ZFHX3: variants seen among roughly 807,000 people sequenced by gnomAD.
The protein encoded by ZFHX3 is zinc finger homeobox protein 3.
A neutral mutation model predicts 279.1 loss-of-function variants in ZFHX3; 42 were observed. The observed-to-expected ratio is 0.15, with a 90% CI of 0.12 to 0.19. ZFHX3 has a LOEUF of 0.19. ZFHX3 is among the 10% of genes least tolerant of loss of function. The probability of loss-of-function intolerance (pLI) is 1.00; values close to 1 mark genes in which losing one functional copy is unlikely to be tolerated. For synonymous variants in ZFHX3, 2,293 were observed against 1,957.8 expected, an observed-to-expected ratio of 1.17 and a Z score of -4.52; for missense variants, 4,981 against 4,754.0, an observed-to-expected ratio of 1.05 and a Z score of -1.40.
At chr16:73,325,498 C>T (rs1384373503) in intron 3 of ZFHX3, among the ~76,000 whole-genome samples, 2 of 152,016 alleles carry the variant, frequency 1.3e-5, no homozygotes, top group Non-Finnish European at 2.9e-5. Context: ...GGTGGCCAGT[C>T]CAATGACATG....
intron 2 of ZFHX3, among the ~76,000 whole-genome samples, chr16:73,467,831 T>A (rs2018599476): frequency 6.6e-6 from 1 of 152,204 alleles, no homozygotes; most frequent in Admixed American, 6.5e-5. Flanking sequence ...TTGTCTGCTC[T>A]TCCTGCTGAC....
Position 73,041,364 on chromosome 16 carries a change from T to C in ZFHX3, c.-50+6388A>G, listed in dbSNP as rs146033979. ...ATATACCTCTGGATTTCCTATCTGT[T>C]GAAGGAAAAACCAGCTTCGACTGCC... On this transcript the variant is annotated intron_variant, in intron 1 of 9. Coordinates refer to ENST00000268489, the MANE Select transcript of ZFHX3 (RefSeq NM_006885.4). 3.9e-4 allele frequency among the ~76,000 whole-genome samples: 54 copies of C among 139,820 alleles called. No individual in the cohort carries two copies. In the East Asian group the frequency reaches 8.1e-3, roughly 21 times the overall value. The allele number at this position is 139,820 out of a possible 152,430, so 91.7% of individuals were successfully genotyped here. A position where few individuals can be genotyped will look rare whatever the true frequency, so the allele number is the denominator to read the frequency against.
chr16:73,011,419 A>T (rs1377112797), intron 1 of ZFHX3, among the ~76,000 whole-genome samples: 2 of 149,230 alleles, frequency 1.3e-5, no homozygotes, highest in Non-Finnish European at 1.5e-5. Context: ...GGCGTGAGCC[A>T]CCACACCCAG....
At chr16:73,135,321 A>G (rs997961219) in intron 6 of ZFHX3, among the ~76,000 whole-genome samples, 10 of 152,200 alleles carry the variant, frequency 6.6e-5, no homozygotes, top group African/African-American at 2.4e-4. Context: ...AATATGTACA[A>G]AGAGAATCAG....
chr16:73,519,421 TA>T (rs988852848), intron 2 of ZFHX3, among the ~76,000 whole-genome samples: 3 of 152,150 alleles, frequency 2.0e-5, no homozygotes, highest in African/African-American at 7.2e-5. Flanking sequence ...CTTGTTTTTT[TA>T]AAAAAATTCT....
chr16:73,515,035 TA>T (rs1289715372), intron 2 of ZFHX3, among the ~76,000 whole-genome samples: 1 of 152,184 alleles, frequency 6.6e-6, no homozygotes, highest in Non-Finnish European at 1.5e-5. Flanking sequence ...AATAAAGAAA[TA>T]AAAAGAATTC....
At chr16:73,005,295 AC>A (rs1963662404) in intron 1 of ZFHX3, among the ~76,000 whole-genome samples, 1 of 152,120 alleles carries the variant, frequency 6.6e-6, no homozygotes, top group Non-Finnish European at 1.5e-5. Flanking sequence ...TGAGTTTGAG[AC>A]CAGCCTGGCC....
chr16:73,335,923 G>C (rs913952096), intron 3 of ZFHX3, among the ~76,000 whole-genome samples: 3 of 152,228 alleles, frequency 2.0e-5, no homozygotes, highest in Admixed American at 2.0e-4. Flanking sequence ...ACCGTGTCTT[G>C]AAATGTCTAG....
intron 1 of ZFHX3, among the ~76,000 whole-genome samples, chr16:73,025,931 C>G (rs1964480467): frequency 6.6e-6 from 1 of 152,100 alleles, no homozygotes; most frequent in Non-Finnish European, 1.5e-5. Context: ...TCAAACTTCA[C>G]CCAATGTGAC....
At chr16:72,935,405 C>A (rs974689154) in intron 3 of ZFHX3, among the ~76,000 whole-genome samples, 1 of 152,258 alleles carries the variant, frequency 6.6e-6, no homozygotes, top group African/African-American at 2.4e-5. Context: ...AGGGAGGAGG[C>A]GACTCGGGGC....
chr16:73,048,705 T>C (rs1294602709), upstream of ZFHX3, among the ~76,000 whole-genome samples: 1 of 152,236 alleles, frequency 6.6e-6, no homozygotes, highest in Non-Finnish European at 1.5e-5. Flanking sequence ...CAGGAGCCAA[T>C]GTGGACAGGA....
rs2035818521 is a variant in ZFHX3 at position 72,794,234 on chromosome 16, G to A, written c.8448C>T (p.Pro2816=). Residue 2816 remains proline, a synonymous_variant, in exon 9 of 10, where the codon CCC becomes CCT. Coordinates refer to ENST00000268489, the MANE Select transcript of ZFHX3 (RefSeq NM_006885.4). The surrounding 1 kb of genome is among the most constrained non-coding windows in gnomAD (Gnocchi z 4.2). Reference sequence around the variant, plus strand: ...AGTTTAGATTAACTGAGGACATGGAGGGGCTTTCAAAGTCTTCAATCCCTT... The same window carrying A: ...AGTTTAGATTAACTGAGGACATGGAAGGGCTTTCAAAGTCTTCAATCCCTT... The part of the protein sequence containing the change: ...KVEGIEDFES[P]SMSSVNLNFD... 6.2e-7 allele frequency: 1 copy of A among 1,614,090 alleles called. No homozygotes were observed. The highest frequency in any genetic ancestry group is 1.3e-5 in the African/African-American group (1 of 74,924).
chr16:73,370,491 G>A (rs1402100819), intron 3 of ZFHX3, among the ~76,000 whole-genome samples: 1 of 152,172 alleles, frequency 6.6e-6, no homozygotes, highest in East Asian at 1.9e-4. Context: ...GTGTCATTTG[G>A]GTGGCACATA....
intron 1 of ZFHX3, among the ~76,000 whole-genome samples, chr16:73,748,740 G>A (rs1597093505): frequency 1.3e-5 from 2 of 152,112 alleles, no homozygotes; most frequent in South Asian, 4.1e-4. Flanking sequence ...AAGTGTCTTT[G>A]CCTAGTATAA....
chr16:73,541,465 G>A (rs182509819), intron 2 of ZFHX3, among the ~76,000 whole-genome samples: 6 of 151,940 alleles, frequency 3.9e-5, no homozygotes, highest in African/African-American at 9.7e-5. Flanking sequence ...CAGCCTGGGG[G>A]ACACAGCAAG....
intron 3 of ZFHX3, among the ~76,000 whole-genome samples, chr16:73,333,417 G>C (rs2015844426): frequency 1.3e-5 from 2 of 152,028 alleles, no homozygotes; most frequent in Admixed American, 1.3e-4. Flanking sequence ...AAGATACATA[G>C]ATAGACACAT....
intron 1 of ZFHX3, among the ~76,000 whole-genome samples, chr16:73,869,314 G>T (rs776160432): frequency 6.6e-6 from 1 of 152,192 alleles, no homozygotes; most frequent in African/African-American, 2.4e-5. Flanking sequence ...AGTAAACACA[G>T]AGGGAATGTT....
intron 1 of ZFHX3, among the ~76,000 whole-genome samples, chr16:73,804,882 C>T (rs1960232735): frequency 7.8e-6 from 1 of 128,728 alleles, no homozygotes; most frequent in South Asian, 2.6e-4. Context: ...CACACACACA[C>T]ACCCACACCA....
chr16:73,297,508 G>A lies in ZFHX3; in HGVS notation c.-1194+20732C>T, dbSNP rs568008631. ...TATTTTTAGTCTTATTTATAATGCAGCTTGAGTAGGTAGACCTGGTAAATG... is the reference window on the plus strand; with the variant it reads ...TATTTTTAGTCTTATTTATAATGCAACTTGAGTAGGTAGACCTGGTAAATG... On this transcript the variant is annotated intron_variant, in intron 4 of 17. Coordinates refer to the ZFHX3 transcript ENST00000641206. Among the ~76,000 whole-genome samples the A allele has an allele frequency of 7.8e-4, 119 of 152,102 alleles. 4 individuals are homozygous for A. Among genetic ancestry groups the A allele is most frequent in the African/African-American group, 2.4e-3 (100 of 41,392 alleles).
Sources: gnomAD v4.1 joint callset for allele counts (sites outside exome capture counted in the v4.1 genomes callset) on GRCh38, gnomAD v4.1.1 for gene constraint, Gnocchi (gnomAD v3.1) non-coding constraint, MANE v1.5 for transcripts, NCBI Gene and HGNC (gene_info 2026-07-23, HGNC 2026-07-21) for gene names.